The following OR3A2 variants were observed in gnomAD, a reference collection of about 807,000 sequenced individuals.
OR3A2 encodes olfactory receptor family 3 subfamily A member 2, also known as olfactory receptor 3A2.
For missense variants in OR3A2, 318 were observed against 392.8 expected (o/e 0.81, Z 1.61); for synonymous variants, 126 against 159.3 (o/e 0.79, Z 1.57).
chr17:3,301,262 G>A (rs1432626454), intron 3 of OR3A2, among the ~76,000 whole-genome samples: 4 of 152,154 alleles, frequency 2.6e-5, no homozygotes, highest in South Asian at 4.1e-4. Flanking sequence ...GTGAGGAATC[G>A]CCACACTGTC....
intron 1 of OR3A2, among the ~76,000 whole-genome samples, chr17:3,384,635 C>A (rs2049763757): frequency 6.6e-6 from 1 of 152,130 alleles, no homozygotes; most frequent in Non-Finnish European, 1.5e-5. Context: ...CAAGCTACTG[C>A]ACGTCAAACT....
At chr17:3,332,175 C>A (rs1167427771) in intron 3 of OR3A2, among the ~76,000 whole-genome samples, 9 of 152,332 alleles carry the variant, frequency 5.9e-5, no homozygotes, top group Non-Finnish European at 1.3e-4. Context: ...TTTGTCTGTG[C>A]CCTGCCCCCA....
At chr17:3,310,963 CTG>C (rs763921140) in intron 3 of OR3A2, 1 of 565,410 alleles carries the variant, frequency 1.8e-6, no homozygotes, top group Admixed American at 1.9e-5. Context: ...GTCCTCATCA[CTG>C]TGTCCTATGC....
intron 2 of OR3A2, among the ~76,000 whole-genome samples, chr17:3,381,841 A>C (rs1080397): frequency 0.14 from 21,781 of 152,160 alleles, 2,173 homozygotes; most frequent in African/African-American, 0.28. Context: ...CTTTGCCAGG[A>C]AAGTTAGGAC....
intron 2 of OR3A2, among the ~76,000 whole-genome samples, chr17:3,349,393 T>C (rs1190355993): frequency 6.6e-6 from 1 of 151,740 alleles, no homozygotes; most frequent in African/African-American, 2.4e-5. Flanking sequence ...TAGTCTCTGA[T>C]AAAACAGACT....
chr17:3,284,311 C>A (rs1371819772), intron 1 of OR3A2, 47 bp downstream of exon 3: 1 of 152,090 alleles, frequency 6.6e-6, no homozygotes, highest in Non-Finnish European at 1.5e-5. Flanking sequence ...ACAGAAGCCC[C>A]TTCTCTATCT....
exon 2 of OR3A2, chr17:3,278,020 C>T (rs775427003): frequency 3.1e-6 from 5 of 1,608,406 alleles, no homozygotes; most frequent in East Asian, 4.5e-5. Context: ...GCACCCTGAA[C>T]ATCAGGGTTT....
intron 3 of OR3A2, among the ~76,000 whole-genome samples, chr17:3,331,691 G>A (rs977429540): frequency 2.0e-5 from 3 of 150,960 alleles, no homozygotes; most frequent in African/African-American, 4.9e-5. Flanking sequence ...TAATTTGATA[G>A]TCTGAAGCCT....
chr17:3,382,242 G>A (rs539342772), intron 2 of OR3A2, among the ~76,000 whole-genome samples: 72 of 152,312 alleles, frequency 4.7e-4, no homozygotes, highest in African/African-American at 1.7e-3. Flanking sequence ...AACAGGCAAC[G>A]GGATATTTGT....
chr17:3,368,978 T>C (rs974956989), intron 2 of OR3A2, among the ~76,000 whole-genome samples: 6 of 152,244 alleles, frequency 3.9e-5, no homozygotes, highest in African/African-American at 7.2e-5. Context: ...TTTCTAAGTA[T>C]ACATATATTT....
intron 3 of OR3A2, among the ~76,000 whole-genome samples, chr17:3,305,161 T>C (rs1186695545): frequency 6.6e-6 from 1 of 152,222 alleles, no homozygotes; most frequent in Non-Finnish European, 1.5e-5. Flanking sequence ...CATAAACATA[T>C]TGAAGTTGTG....
intron 2 of OR3A2, among the ~76,000 whole-genome samples, chr17:3,379,709 A>C (rs374794008): frequency 2.2e-4 from 33 of 152,230 alleles, no homozygotes; most frequent in African/African-American, 7.7e-4. Flanking sequence ...TTTAGGGGTG[A>C]TGGTTGTAGC....
In OR3A2 at chr17:3,327,127, C is replaced by T. The variant is rs1597341979; in HGVS notation, c.-85+8906G>A. On this transcript the variant is annotated intron_variant, in intron 3 of 4. Coordinates refer to the OR3A2 transcript ENST00000573491. ...CTAGTTCTAGATCCTTGAGGAATCG[C>T]GACACTGACTTCCACAATGGTTGAA... Among the ~76,000 whole-genome samples, 2 of 73,080 alleles carry T rather than the reference C, an allele frequency of 2.7e-5. 1 individual carries two copies. Among genetic ancestry groups the T allele is most frequent in the African/African-American group, 1.8e-4 (2 of 11,054 alleles). 47.9% of individuals were successfully genotyped at this position (73,080 alleles called of 152,430 possible).
Position 3,309,995 on chromosome 17 carries a change from C to T in OR3A2, c.-85+26038G>A. On this transcript the variant is annotated intron_variant, in intron 3 of 4. Transcript: ENST00000573491. The stretch of plus-strand genomic sequence containing the variant: ...TTGGGGTTTCCTCCCAGAACTTTGG[C>T]CTCAGGAAAATAATTTTTCCCTTTA... 3 of 211,636 alleles carry T rather than the reference C, an allele frequency of 1.4e-5. No individual in the cohort carries two copies. The South Asian group carries it at 2.5e-4, about 18-fold the overall frequency. 13.1% of individuals were successfully genotyped at this position (211,636 alleles called of 1,614,324 possible). A position where few individuals can be genotyped will look rare whatever the true frequency, so the allele number is the denominator to read the frequency against.
chr17:3,342,872 T>A (rs1399825354), intron 2 of OR3A2, among the ~76,000 whole-genome samples: 1 of 152,236 alleles, frequency 6.6e-6, no homozygotes, highest in Non-Finnish European at 1.5e-5. Context: ...TGTTCAGCTA[T>A]GCCCTGCCCC....
intron 2 of OR3A2, among the ~76,000 whole-genome samples, chr17:3,362,073 A>T (rs554513416): frequency 1.3e-5 from 2 of 151,658 alleles, no homozygotes; most frequent in South Asian, 4.2e-4. Context: ...GTAGGCTATA[A>T]ATTATTGCCT....
intron 2 of OR3A2, among the ~76,000 whole-genome samples, chr17:3,340,779 G>A (rs2049310175): frequency 6.6e-6 from 1 of 152,100 alleles, no homozygotes; most frequent in African/African-American, 2.4e-5. Flanking sequence ...TGTCTATTAG[G>A]TCCATTTGGT....
chr17:3,376,922 C>T (rs2049690390), intron 2 of OR3A2, among the ~76,000 whole-genome samples: 1 of 152,150 alleles, frequency 6.6e-6, no homozygotes, highest in East Asian at 1.9e-4. Flanking sequence ...GCTTCTTCTA[C>T]TTTTATATTT....
At chr17:3,360,318 C>T (rs542621624) in intron 2 of OR3A2, among the ~76,000 whole-genome samples, 2 of 151,604 alleles carry the variant, frequency 1.3e-5, no homozygotes, top group African/African-American at 2.4e-5. Flanking sequence ...TGGATATTAG[C>T]CCATTGTCAG....
Sources: allele counts gnomAD v4.1 joint callset (sites outside exome capture counted in the v4.1 genomes callset), GRCh38; gene constraint gnomAD v4.1.1; transcripts MANE v1.5; gene names NCBI Gene and HGNC (gene_info 2026-07-23, HGNC 2026-07-21).